The following PDE1C variants were observed in gnomAD, a reference collection of about 807,000 sequenced individuals.
PDE1C encodes dual specificity calcium/calmodulin-dependent 3',5'-cyclic nucleotide phosphodiesterase 1C.
In PDE1C, 62 loss-of-function variants were observed where a neutral mutation model predicts 93.1. The observed-to-expected ratio is 0.67, with a 90% CI of 0.54 to 0.82. The LOEUF (loss-of-function observed/expected upper bound fraction) is 0.82. Ranked by LOEUF, PDE1C falls within the 40% of genes least tolerant of loss-of-function variation. The pLI, the probability that PDE1C is intolerant of heterozygous loss-of-function variation, is 0.00. For missense variants in PDE1C, 742 were observed against 884.6 expected (o/e 0.84, Z 2.04); for synonymous variants, 325 against 310.1 (o/e 1.05, Z -0.50).
chr7:32,032,936 G>T (rs1584528191), intron 2 of PDE1C, among the ~76,000 whole-genome samples: 2 of 152,158 alleles, frequency 1.3e-5, no homozygotes, highest in East Asian at 3.9e-4. Flanking sequence ...CACAAGGAAA[G>T]ACTAACAAGT....
chr7:31,868,902 G>GA (rs796112716), intron 6 of PDE1C, among the ~76,000 whole-genome samples: 71 of 136,716 alleles, frequency 5.2e-4, no homozygotes, highest in South Asian at 9.4e-4. Context: ...AGTCCTAAAA[G>GA]AAAAAAAAAA....
the PDE1C span, among the ~76,000 whole-genome samples, chr7:31,701,932 G>C: frequency 4.6e-5 from 7 of 152,312 alleles, no homozygotes; most frequent in East Asian, 1.3e-3. Context: ...CAAAAAATTT[G>C]TATGGCTCTG....
intron 2 of PDE1C, among the ~76,000 whole-genome samples, chr7:32,045,421 T>C (rs1258254156): frequency 6.6e-6 from 1 of 152,208 alleles, no homozygotes; most frequent in African/African-American, 2.4e-5. Flanking sequence ...TTGTTCTTAC[T>C]ACTTTGAGAC....
chr7:31,909,896 T>C (rs1194118358), intron 2 of PDE1C, among the ~76,000 whole-genome samples: 2 of 122,980 alleles, frequency 1.6e-5, no homozygotes, highest in Non-Finnish European at 4.1e-5. Context: ...TAGATAACTC[T>C]TTGTTGTGGG....
intron 1 of PDE1C, among the ~76,000 whole-genome samples, chr7:32,315,686 C>T (rs1412253731): frequency 6.6e-6 from 1 of 152,172 alleles, no homozygotes; most frequent in Non-Finnish European, 1.5e-5. Context: ...TAAATTACTT[C>T]CTGTACTTTT....
the PDE1C span, among the ~76,000 whole-genome samples, chr7:31,622,823 G>C: frequency 3.9e-5 from 6 of 152,206 alleles, no homozygotes; most frequent in South Asian, 4.1e-4. Flanking sequence ...CCAGGAGCTG[G>C]TTTTTTGAAA....
chr7:32,058,173 G>A (rs1025884711), intron 1 of PDE1C, among the ~76,000 whole-genome samples: 26 of 152,104 alleles, frequency 1.7e-4, no homozygotes, highest in African/African-American at 6.0e-4. Context: ...TGCCTTCAGT[G>A]TTCTCCAGGG....
intron 1 of PDE1C, among the ~76,000 whole-genome samples, chr7:32,349,021 G>A (rs563631487): frequency 3.3e-5 from 5 of 152,340 alleles, no homozygotes; most frequent in Admixed American, 1.3e-4. Context: ...AACCAACAGA[G>A]GGTGTCTAGC....
At position 31,837,219 on chromosome 7, in the gene PDE1C, A is replaced by G; in HGVS notation, c.1164T>C (p.His388=). Residue 388 remains histidine (H), a synonymous_variant, in exon 11 of 18, where the codon CAT becomes CAC. Coordinates refer to ENST00000396191, the MANE Select transcript of PDE1C (RefSeq NM_001191057.4). ...CCTCCAGGAGTGACATTGTCCAGCG[A>G]TGATGGAGGTCCCATGCTTTTGCTG... The part of the protein sequence containing the change: ...SHPAKAWDLH[H]RWTMSLLEEF... The G allele has an allele frequency of 1.2e-6, 2 of 1,613,846 alleles. No homozygotes were observed. The highest frequency in any genetic ancestry group is 1.7e-6 in the Non-Finnish European group (2 of 1,179,824).
the PDE1C span, chr7:31,643,990 G>C: frequency 1.3e-6 from 2 of 1,551,744 alleles, no homozygotes; most frequent in Non-Finnish European, 1.7e-6. Flanking sequence ...AAAGGCAGAT[G>C]CACCCGTGAT....
intron 2 of PDE1C, among the ~76,000 whole-genome samples, chr7:31,972,321 A>G (rs1451220346): frequency 6.6e-6 from 1 of 152,190 alleles, no homozygotes; most frequent in African/African-American, 2.4e-5. Context: ...CCGCACCCCA[A>G]TTACACAGGT....
intron 2 of PDE1C, among the ~76,000 whole-genome samples, chr7:31,981,706 T>C (rs1812396400): frequency 6.6e-6 from 1 of 152,200 alleles, no homozygotes; most frequent in Non-Finnish European, 1.5e-5. Context: ...ACTTAAGTAG[T>C]TGACACTTAT....
intron 1 of PDE1C, among the ~76,000 whole-genome samples, chr7:32,316,796 T>C: frequency 6.7e-6 from 1 of 150,318 alleles, no homozygotes; most frequent in South Asian, 2.1e-4. Flanking sequence ...CTGAGATGCT[T>C]TTGTCAGGCA....
chr7:32,155,454 T>C (rs1584870040), intron 3 of PDE1C, among the ~76,000 whole-genome samples: 1 of 152,174 alleles, frequency 6.6e-6, no homozygotes, highest in Admixed American at 6.5e-5. Context: ...GGATTAGGGA[T>C]AAGAGGAAAA....
intron 3 of PDE1C, among the ~76,000 whole-genome samples, chr7:32,093,180 G>T (rs903818280): frequency 3.3e-5 from 5 of 152,218 alleles, no homozygotes; most frequent in African/African-American, 9.7e-5. Context: ...TGCCTAGAGG[G>T]TTTACCTTTC....
At chr7:32,348,791 C>T (rs215685) in intron 1 of PDE1C, among the ~76,000 whole-genome samples, 121,783 of 152,152 alleles carry the variant, frequency 0.8, 49,100 homozygotes, top group Admixed American at 0.85. Context: ...ATTGAAGCTC[C>T]TATTCCAGAA....
At chr7:31,627,659 C>CAAAAAAAAAAAAAAAAAAAAAAAAA in the PDE1C span, among the ~76,000 whole-genome samples, 1 of 75,518 alleles carries the variant, frequency 1.3e-5, no homozygotes. Flanking sequence ...GACACTGTCT[C>CAAAAAAAAAAAAAAAAAAAAAAAAA]AAAAAAAAAA....
intron 2 of PDE1C, among the ~76,000 whole-genome samples, chr7:31,946,775 T>C (rs577839181): frequency 1.3e-5 from 2 of 152,326 alleles, no homozygotes; most frequent in East Asian, 3.9e-4. Context: ...TTTCTCATTC[T>C]TTTGACTCCA....
At chr7:31,661,133 A>G in the PDE1C span, among the ~76,000 whole-genome samples, 2 of 152,272 alleles carry the variant, frequency 1.3e-5, no homozygotes, top group East Asian at 1.9e-4. Flanking sequence ...TGATTGTCAA[A>G]TAAGTCTATA....
Sources: gnomAD v4.1 joint callset for allele counts (sites outside exome capture counted in the v4.1 genomes callset) on GRCh38, gnomAD v4.1.1 for gene constraint, MANE v1.5 for transcripts, NCBI Gene and HGNC (gene_info 2026-07-23, HGNC 2026-07-21) for gene names.